NECAB2: variants seen among roughly 807,000 people sequenced by gnomAD.
NECAB2 encodes N-terminal EF-hand calcium binding protein 2.
NECAB2 carries 68 observed loss-of-function variants against 51.9 expected under a neutral mutation model. That is an observed-to-expected ratio of 1.31 (90% CI 1.08 to 1.60). The LOEUF (loss-of-function observed/expected upper bound fraction) is 1.60. Ranked by LOEUF, NECAB2 falls within the 40% of genes most tolerant of loss-of-function variation. The pLI is 0.00. For missense variants in NECAB2, 854 were observed against 490.3 expected, an observed-to-expected ratio of 1.74 and a Z score of -7.00; for synonymous variants, 329 against 203.5, an observed-to-expected ratio of 1.62 and a Z score of -5.25.
upstream of NECAB2, chr16:83,965,984 AAGG>A: frequency 1.3e-6 from 2 of 1,591,434 alleles, no homozygotes; most frequent in South Asian, 1.1e-5. Flanking sequence ...CCTGCTAAGG[AAGG>A]AGACCAGGAA....
At chr16:83,974,663 T>G (rs1257601553) in intron 2 of NECAB2, among the ~76,000 whole-genome samples, 1 of 152,186 alleles carries the variant, frequency 6.6e-6, no homozygotes, top group African/African-American at 2.4e-5. Context: ...GCACGTGATA[T>G]TCTTCACATG....
chr16:83,975,368 G>A (rs753196925), intron 2 of NECAB2, among the ~76,000 whole-genome samples: 22 of 152,168 alleles, frequency 1.4e-4, no homozygotes, highest in Non-Finnish European at 2.6e-4. Context: ...GAGAACAGGT[G>A]TGCAGGGGGT....
Position 83,969,663 on chromosome 16 carries a change from A to G in NECAB2, c.201+814A>G, listed in dbSNP as rs537288604. Reference sequence around the variant, plus strand: ...CCCCACCCGGGAGGGAGGAATCTTCAGGGGGCGGCTCGGAGGAGGAGGACT... The same window carrying G: ...CCCCACCCGGGAGGGAGGAATCTTCGGGGGGCGGCTCGGAGGAGGAGGACT... On this transcript the variant is annotated intron_variant, in intron 1 of 12. Coordinates refer to ENST00000305202, the MANE Select transcript of NECAB2 (RefSeq NM_019065.3). 2.5e-4 allele frequency among the ~76,000 whole-genome samples: 37 copies of G among 150,040 alleles called. 1 individual carries two copies. Among genetic ancestry groups the G allele is most frequent in the Admixed American group, 2.3e-3 (34 of 15,078 alleles).
At chr16:84,000,927 C>T (rs913929400) in intron 11 of NECAB2, 126 bp downstream of exon 11, 2 of 908,164 alleles carry the variant, frequency 2.2e-6, no homozygotes, top group African/African-American at 1.6e-5. Context: ...CCCGAGGCAT[C>T]TACCCGCTGG....
At chr16:83,997,165 G>C (rs377763158) in intron 8 of NECAB2, 51 bp from the exon 9 acceptor site, 55 of 1,612,278 alleles carry the variant, frequency 3.4e-5, no homozygotes, top group Non-Finnish European at 4.0e-5. Flanking sequence ...TGGCTCCCCG[G>C]GGCGGAGTGG....
chr16:83,968,774 G>A lies in NECAB2; in HGVS notation c.126G>A (p.Arg42=). ...TGGGCGCCAGGATGGGCGAGCCCCGGGAGTCGCTGGCCCCCGCCGCCCCCG... is the reference window on the plus strand; with the variant it reads ...TGGGCGCCAGGATGGGCGAGCCCCGAGAGTCGCTGGCCCCCGCCGCCCCCG... ...RWVGARMGEP[R]ESLAPAAPAD... Residue 42 remains arginine, a synonymous_variant, in exon 1 of 13, where the codon CGG becomes CGA. Transcript: ENST00000305202. The A allele has an allele frequency of 9.1e-7, 1 of 1,104,636 alleles. No homozygotes were observed. The highest frequency in any genetic ancestry group is 1.1e-6 in the Non-Finnish European group (1 of 908,096). 68.4% of individuals were successfully genotyped at this position (1,104,636 alleles called of 1,614,324 possible). A position where few individuals can be genotyped will look rare whatever the true frequency, so the allele number is the denominator to read the frequency against.
chr16:83,970,088 C>G (rs557103481), intron 1 of NECAB2, among the ~76,000 whole-genome samples: 26 of 152,342 alleles, frequency 1.7e-4, no homozygotes, highest in African/African-American at 6.3e-4. Context: ...AGAGCTCCCA[C>G]TGAAAGTCCT....
chr16:83,997,019 T>G (rs2084711514), intron 8 of NECAB2, among the ~76,000 whole-genome samples, 197 bp from the exon 9 acceptor site: 1 of 152,020 alleles, frequency 6.6e-6, no homozygotes, highest in South Asian at 2.1e-4. Context: ...CAAGCCATCC[T>G]CACCCCAGCA....
Position 83,996,790 on chromosome 16 carries a change from C to G in NECAB2, c.796-426C>G, listed in dbSNP as rs16962459. Among the ~76,000 whole-genome samples the G allele has an allele frequency of 8.5e-3, 1,296 of 152,266 alleles. 12 individuals carry two copies. Among genetic ancestry groups the G allele is most frequent in the African/African-American group, 0.029 (1,219 of 41,520 alleles). On this transcript the variant is annotated intron_variant, in intron 8 of 12. Transcript: ENST00000305202. ...GAAACTTACAGTGGGGCAGCACCTTCCCTGGGGAGTCTGGAAGATTGTGTA... is the reference window on the plus strand; with the variant it reads ...GAAACTTACAGTGGGGCAGCACCTTGCCTGGGGAGTCTGGAAGATTGTGTA...
chr16:84,001,710 C>T, intron 11 of NECAB2, 115 bp from the exon 12 acceptor site: 1 of 1,089,332 alleles, frequency 9.2e-7, no homozygotes, highest in South Asian at 1.5e-5. Flanking sequence ...GTCCAAAGAC[C>T]CCCCGTGCTT....
chr16:83,981,907 C>T (rs1451644583), intron 5 of NECAB2, among the ~76,000 whole-genome samples: 1 of 152,180 alleles, frequency 6.6e-6, no homozygotes, highest in South Asian at 2.1e-4. Context: ...TCCAGAAAAG[C>T]CCAGCCTTGT....
Position 83,980,857 on chromosome 16 carries a change from G to A in NECAB2, c.354G>A (p.Glu118=). The A allele has an allele frequency of 1.9e-6, 3 of 1,604,024 alleles. No homozygotes were observed. The highest frequency in any genetic ancestry group is 1.3e-5 in the African/African-American group (1 of 74,738). ...TCTGCAGCCATGTGGACACCAAGGA[G>A]CTGTGTGGTAGGTGCCTGGCTATGC... is the stretch of plus-strand genomic sequence containing the variant. The part of the protein sequence containing the change: ...SDNTNHVDTK[E]LCDYFVDHMG... The change falls in exon 4 of 13, where the codon GAG becomes GAA. Residue 118 remains glutamate, a synonymous_variant. Coordinates refer to ENST00000305202, the MANE Select transcript of NECAB2 (RefSeq NM_019065.3).
chr16:83,985,170 G>A (rs547561961), intron 5 of NECAB2, among the ~76,000 whole-genome samples: 20 of 151,710 alleles, frequency 1.3e-4, no homozygotes, highest in African/African-American at 3.1e-4. Context: ...AAAATTAGCC[G>A]AGCGTGGTGG....
At chr16:83,970,458 G>C (rs906445766) in intron 1 of NECAB2, among the ~76,000 whole-genome samples, 1 of 152,122 alleles carries the variant, frequency 6.6e-6, no homozygotes, top group African/African-American at 2.4e-5. Flanking sequence ...GTTCAGCCAG[G>C]AGGAGGGGTG....
intron 9 of NECAB2, 138 bp downstream of exon 9, chr16:83,997,407 G>C (rs1256190529): frequency 1.8e-6 from 2 of 1,099,776 alleles, no homozygotes; most frequent in South Asian, 1.4e-5. Flanking sequence ...CCCAGCGCTT[G>C]GCACCCAGAC....
At chr16:83,967,026 C>G (rs1437593530), upstream of NECAB2, among the ~76,000 whole-genome samples, 2 of 152,140 alleles carry the variant, frequency 1.3e-5, no homozygotes, top group East Asian at 1.9e-4. Context: ...TGACTGCCAC[C>G]TCGCCCAGCT....
upstream of NECAB2, chr16:83,965,724 A>G (rs1445488840): frequency 6.2e-7 from 1 of 1,613,460 alleles, no homozygotes. Flanking sequence ...GAGGGTGTCG[A>G]GAAGGTGTTT....
intron 2 of NECAB2, among the ~76,000 whole-genome samples, chr16:83,975,859 G>A (rs547384292): frequency 2.6e-4 from 39 of 152,278 alleles, no homozygotes; most frequent in Non-Finnish European, 4.4e-4. Context: ...AAGTGCCAGC[G>A]CGGGCCCGCT....
At chr16:83,993,138 G>C (rs892858556) in intron 6 of NECAB2, among the ~76,000 whole-genome samples, 1 of 152,180 alleles carries the variant, frequency 6.6e-6, no homozygotes, top group Non-Finnish European at 1.5e-5. Flanking sequence ...GCTCTAGGCT[G>C]TGGGTCCCTG....
Sources: gnomAD v4.1 joint callset for allele counts (sites outside exome capture counted in the v4.1 genomes callset) on GRCh38, gnomAD v4.1.1 for gene constraint, MANE v1.5 for transcripts, NCBI Gene and HGNC (gene_info 2026-07-23, HGNC 2026-07-21) for gene names.